ST3GAL2: variants seen among roughly 807,000 people sequenced by gnomAD.
ST3GAL2 encodes the protein ST3 beta-galactoside alpha-2,3-sialyltransferase 2, also known as CMP-N-acetylneuraminate-beta-galactosamide-alpha-2,3-sialyltransferase 2.
ST3GAL2 carries 16 observed loss-of-function variants against 37.5 expected under a neutral mutation model. The ratio of observed to expected loss-of-function variants is 0.43; its 90% CI spans 0.29 to 0.65. The LOEUF (loss-of-function observed/expected upper bound fraction) is 0.65. Ranked by LOEUF, ST3GAL2 falls within the 30% of genes least tolerant of loss-of-function variation. ST3GAL2 has a pLI of 0.17. For missense variants in ST3GAL2, 383 were observed against 487.8 expected (o/e 0.79, Z 2.02); for synonymous variants, 238 against 202.9 (o/e 1.17, Z -1.47).
intron 1 of ST3GAL2, among the ~76,000 whole-genome samples, chr16:70,432,525 C>T (rs2047798248): frequency 6.6e-6 from 1 of 152,106 alleles, no homozygotes; most frequent in Admixed American, 6.6e-5. Context: ...TATGTTGTAA[C>T]TACAACAATG....
At chr16:70,435,241 A>C (rs1245245298) in intron 1 of ST3GAL2, among the ~76,000 whole-genome samples, 3 of 152,188 alleles carry the variant, frequency 2.0e-5, no homozygotes, top group Non-Finnish European at 4.4e-5. Flanking sequence ...AAGCCAAACC[A>C]GTACAGCTGC....
chr16:70,437,507 CA>C (rs34874526), intron 1 of ST3GAL2, among the ~76,000 whole-genome samples: 17,002 of 130,272 alleles, frequency 0.13, 1,630 homozygotes, highest in African/African-American at 0.29. Flanking sequence ...GCCCCCCCCG[CA>C]AAAAAAAAAA....
intron 1 of ST3GAL2, among the ~76,000 whole-genome samples, chr16:70,434,213 CG>C (rs759035427): frequency 9.9e-5 from 15 of 152,194 alleles, no homozygotes; most frequent in Non-Finnish European, 1.8e-4. Flanking sequence ...CCGAGGCAGG[CG>C]GATCACGAGG....
intron 1 of ST3GAL2, among the ~76,000 whole-genome samples, chr16:70,410,538 C>A (rs1316932012): frequency 2.0e-5 from 3 of 151,866 alleles, no homozygotes; most frequent in Non-Finnish European, 4.4e-5. Context: ...CAGGCGAGAG[C>A]CAACACGCCC....
chr16:70,415,513 C>T (rs2047670324), intron 1 of ST3GAL2, among the ~76,000 whole-genome samples: 1 of 149,926 alleles, frequency 6.7e-6, no homozygotes, highest in Non-Finnish European at 1.5e-5. Context: ...GGACAAACAA[C>T]CCCAGGGTGT....
At chr16:70,421,526 A>C (rs2047714526) in intron 1 of ST3GAL2, among the ~76,000 whole-genome samples, 1 of 152,228 alleles carries the variant, frequency 6.6e-6, no homozygotes, top group Non-Finnish European at 1.5e-5. Flanking sequence ...TGTGGAAAGG[A>C]AGGACGCACA....
At chr16:70,408,886 G>C (rs1366667405) in intron 1 of ST3GAL2, among the ~76,000 whole-genome samples, 1 of 15,442 alleles carries the variant, frequency 6.5e-5, no homozygotes, top group Admixed American at 8.8e-4. Flanking sequence ...ACAGCTCAAA[G>C]AAACAAAAAA....
chr16:70,393,107 CAG>C (rs1409923546), intron 3 of ST3GAL2, among the ~76,000 whole-genome samples: 1 of 146,718 alleles, frequency 6.8e-6, no homozygotes, highest in African/African-American at 2.6e-5. Context: ...TTTTTTGAGA[CAG>C]AGTTTCTCTC....
chr16:70,407,762 C>G (rs1052668000), intron 1 of ST3GAL2, among the ~76,000 whole-genome samples: 5 of 152,180 alleles, frequency 3.3e-5, no homozygotes, highest in Non-Finnish European at 7.3e-5. Flanking sequence ...AAAACGAGAA[C>G]AGCAGGGACT....
intron 4 of ST3GAL2, among the ~76,000 whole-genome samples, chr16:70,384,308 C>T (rs981336340): frequency 6.6e-6 from 1 of 152,144 alleles, no homozygotes; most frequent in Non-Finnish European, 1.5e-5. Context: ...GAAATTCTGA[C>T]ACATGCTACA....
At chr16:70,423,705 T>C (rs1185628124) in intron 1 of ST3GAL2, among the ~76,000 whole-genome samples, 1 of 150,432 alleles carries the variant, frequency 6.6e-6, no homozygotes, top group Non-Finnish European at 1.5e-5. Flanking sequence ...AGATGGAGTT[T>C]CGCTCTTTTT....
rs1445233763 is a variant in ST3GAL2, at chr16:70,379,842, G to C, written c.*1847C>G. On this transcript the variant is annotated 3_prime_UTR_variant, in exon 7 of 7. Transcript: ENST00000342907. ...AGACGAGGTTTCACCATATTGGCCA[G>C]GCTGGTCTCGAACTCCTGACCTTAA... is the stretch of plus-strand genomic sequence containing the variant. 1 of 150,948 alleles carries C rather than the reference G, an allele frequency of 6.6e-6. No individual in the cohort carries two copies. The highest frequency in any genetic ancestry group is 2.4e-5 in the African/African-American group (1 of 41,042). 9.4% of individuals were successfully genotyped at this position (150,948 alleles called of 1,614,324 possible). A position where few individuals can be genotyped will look rare whatever the true frequency, so the allele number is the denominator to read the frequency against.
At position 70,379,938 on chromosome 16, in the gene ST3GAL2, G is replaced by A. The variant is rs1002784021; in HGVS notation, c.*1751C>T. On this transcript the variant is annotated 3_prime_UTR_variant, in exon 7 of 7. Transcript: ENST00000342907. ...ACAGGTGTGAGCCACCGTACCTGGC[G>A]GGATTCATGATTTAAAGCAAAAGAA... The A allele has an allele frequency of 9.2e-5, 14 of 152,088 alleles. No homozygotes were observed. Among genetic ancestry groups the A allele is most frequent in the African/African-American group, 2.9e-4 (12 of 41,478 alleles). The allele number at this position is 152,088 out of a possible 1,614,324, so 9.4% of individuals were successfully genotyped here. A position where few individuals can be genotyped will look rare whatever the true frequency, so the allele number is the denominator to read the frequency against.
rs1350890555 is a variant in ST3GAL2 at position 70,382,049 on chromosome 16, TCC to T, written c.880-189_880-188del. Among the ~76,000 whole-genome samples, 341 of 137,190 alleles carry T rather than the reference TCC, an allele frequency of 2.5e-3. 1 individual carries two copies. The highest frequency in any genetic ancestry group is 3.7e-3 in the Non-Finnish European group (240 of 64,478). The allele number at this position is 137,190 out of a possible 152,430, so 90.0% of individuals were successfully genotyped here. A position where few individuals can be genotyped will look rare whatever the true frequency, so the allele number is the denominator to read the frequency against. On this transcript the variant is annotated intron_variant, in intron 6 of 6. Transcript: ENST00000342907. ...TCCCTTTGCAGCCCTTGCAAATTCC[TCC>T]TTTTTTTTTTTTTTTTTTTTAATGG...
At chr16:70,383,842 C>A (rs765636484) in intron 4 of ST3GAL2, among the ~76,000 whole-genome samples, 11 of 151,222 alleles carry the variant, frequency 7.3e-5, no homozygotes, top group Non-Finnish European at 1.3e-4. Context: ...CCCATGGCAT[C>A]CAAGATAAAA....
chr16:70,427,876 A>T (rs1223261433), intron 1 of ST3GAL2, among the ~76,000 whole-genome samples: 1 of 152,216 alleles, frequency 6.6e-6, no homozygotes, highest in Non-Finnish European at 1.5e-5. Flanking sequence ...TAACCACTTA[A>T]GCCCCAGATC....
At chr16:70,436,394 T>G (rs929647214) in intron 1 of ST3GAL2, among the ~76,000 whole-genome samples, 15 of 144,250 alleles carry the variant, frequency 1.0e-4, no homozygotes, top group African/African-American at 3.7e-4. Context: ...GAGGCTGCAG[T>G]GAGCCGAGAT....
intron 1 of ST3GAL2, among the ~76,000 whole-genome samples, chr16:70,415,703 C>T (rs1417708415): frequency 1.3e-5 from 2 of 151,350 alleles, no homozygotes; most frequent in Admixed American, 6.6e-5. Flanking sequence ...CTACCCACCT[C>T]GGCCTCCCAA....
At chr16:70,404,061 T>C (rs574492117) in intron 1 of ST3GAL2, among the ~76,000 whole-genome samples, 2 of 152,284 alleles carry the variant, frequency 1.3e-5, no homozygotes, top group African/African-American at 2.4e-5. Flanking sequence ...ACACACCTGT[T>C]TGAAGCTCAT....
Sources: allele counts gnomAD v4.1 joint callset (sites outside exome capture counted in the v4.1 genomes callset), GRCh38; gene constraint gnomAD v4.1.1; transcripts MANE v1.5; gene names NCBI Gene and HGNC (gene_info 2026-07-23, HGNC 2026-07-21).